Variants in VGLL4 observed in about 807,000 individuals in gnomAD.
The protein encoded by VGLL4 is transcription cofactor vestigial-like protein 4.
In VGLL4, 7 loss-of-function variants were observed where a neutral mutation model predicts 21.0. The observed-to-expected ratio is 0.33, with a 90% CI of 0.19 to 0.63. The LOEUF (loss-of-function observed/expected upper bound fraction) is 0.63. VGLL4 is among the 20% of genes least tolerant of loss of function. VGLL4 has a pLI of 0.78. For missense variants in VGLL4, 394 were observed against 425.7 expected (o/e 0.93, Z 0.66); for synonymous variants, 222 against 173.2 (o/e 1.28, Z -2.21).
chr3:11,595,846 G>C (rs1454292793), intron 2 of VGLL4, among the ~76,000 whole-genome samples: 612 of 3,486 alleles, frequency 0.18, 6 homozygotes, highest in African/African-American at 0.36. Context: ...TGGTGTGGGG[G>C]GGGCGGGGAA....
chr3:11,661,989 G>A (rs931551221), intron 2 of VGLL4, among the ~76,000 whole-genome samples: 1 of 152,178 alleles, frequency 6.6e-6, no homozygotes, highest in African/African-American at 2.4e-5. Flanking sequence ...CAAATATATG[G>A]AGGACACATT....
chr3:11,560,746 C>T (rs535326551), intron 3 of VGLL4, among the ~76,000 whole-genome samples: 1 of 152,168 alleles, frequency 6.6e-6, no homozygotes, highest in Non-Finnish European at 1.5e-5. Context: ...TTCTTAGTGG[C>T]CCGACACTTA....
chr3:11,638,251 C>G (rs1001640410), intron 1 of VGLL4, among the ~76,000 whole-genome samples: 4 of 152,082 alleles, frequency 2.6e-5, no homozygotes, highest in African/African-American at 9.7e-5. Context: ...TACAAGGCCA[C>G]GCAGACAATA....
At position 11,578,791 on chromosome 3, in the gene VGLL4, C is replaced by T. The variant is rs999263064; in HGVS notation, c.273-13772G>A. On this transcript the variant is annotated intron_variant, in intron 2 of 4. Transcript: ENST00000430365. ...TTGAGATGGAGTCTCGCTCTGTCACCCAGGCTGGAGTGCAGTGGCGTGATC... is the reference window on the plus strand; with the variant it reads ...TTGAGATGGAGTCTCGCTCTGTCACTCAGGCTGGAGTGCAGTGGCGTGATC... Among the ~76,000 whole-genome samples the T allele has an allele frequency of 7.1e-5, 9 of 127,474 alleles. No individual in the cohort carries two copies. The Admixed American group carries it at 7.7e-4, about 11-fold the overall frequency. 83.6% of individuals were successfully genotyped at this position (127,474 alleles called of 152,430 possible). A position where few individuals can be genotyped will look rare whatever the true frequency, so the allele number is the denominator to read the frequency against.
chr3:11,635,900 G>A lies in VGLL4; in HGVS notation c.82+7537C>T, dbSNP rs1024670840. Reference sequence around the variant, plus strand: ...TTAAACAGCGAACCAGATCATTCTCGTGGGTGATTTTAAGCATTAGAGAAG... The same window carrying A: ...TTAAACAGCGAACCAGATCATTCTCATGGGTGATTTTAAGCATTAGAGAAG... On this transcript the variant is annotated intron_variant, in intron 1 of 4. Transcript: ENST00000430365. 3.9e-5 allele frequency among the ~76,000 whole-genome samples: 6 copies of A among 152,154 alleles called. 1 individual carries two copies. The highest frequency in any genetic ancestry group is 2.1e-4 in the South Asian group (1 of 4,834).
rs533750264 is a variant in VGLL4 at position 11,688,785 on chromosome 3, G to A, written c.64+14186C>T. On this transcript the variant is annotated intron_variant, in intron 2 of 5. Transcript: ENST00000273038. ...TGTAATCCCAGCACTTTGGGAGGCC[G>A]AGGCGGGTGGATCACCTGAGGTCAG... 7.3e-4 allele frequency among the ~76,000 whole-genome samples: 111 copies of A among 152,244 alleles called. 1 individual carries two copies. The highest frequency in any genetic ancestry group is 1.3e-3 in the Non-Finnish European group (87 of 68,010).
intron 1 of VGLL4, among the ~76,000 whole-genome samples, chr3:11,641,186 TAAGG>T (rs1370379688): frequency 1.3e-5 from 2 of 150,516 alleles, no homozygotes; most frequent in Non-Finnish European, 3.0e-5. Context: ...CTCATACAAC[TAAGG>T]AATATGGTAT....
At chr3:11,671,015 C>G (rs907907734) in intron 2 of VGLL4, among the ~76,000 whole-genome samples, 1 of 152,156 alleles carries the variant, frequency 6.6e-6, no homozygotes, top group East Asian at 1.9e-4. Context: ...CCAGCCTGGA[C>G]GACAGAGATT....
intron 3 of VGLL4, among the ~76,000 whole-genome samples, chr3:11,560,668 G>A (rs2072898847): frequency 6.6e-6 from 1 of 152,206 alleles, no homozygotes; most frequent in Admixed American, 6.5e-5. Context: ...GGTCTAACAA[G>A]AAGCGACACA....
chr3:11,690,020 A>C (rs907771685), intron 2 of VGLL4, among the ~76,000 whole-genome samples: 3 of 152,148 alleles, frequency 2.0e-5, no homozygotes, highest in African/African-American at 7.2e-5. Context: ...CACCCCCTCA[A>C]GGATCCCTCC....
chr3:11,606,220 C>T (rs148722239), intron 1 of VGLL4, among the ~76,000 whole-genome samples: 52 of 152,254 alleles, frequency 3.4e-4, no homozygotes, highest in African/African-American at 8.9e-4. Flanking sequence ...GGGGGGAAAC[C>T]GCCCCCACGA....
chr3:11,557,498 C>A lies in VGLL4; in HGVS notation c.*1058G>T, dbSNP rs904499587. 2 of 152,542 alleles carry A rather than the reference C, an allele frequency of 1.3e-5. No homozygotes were observed. Among genetic ancestry groups the A allele is most frequent in the African/African-American group, 4.8e-5 (2 of 41,444 alleles). The allele number at this position is 152,542 out of a possible 1,614,324, so 9.4% of individuals were successfully genotyped here. A position where few individuals can be genotyped will look rare whatever the true frequency, so the allele number is the denominator to read the frequency against. On this transcript the variant is annotated 3_prime_UTR_variant, in exon 5 of 5. Coordinates refer to ENST00000430365, the MANE Select transcript of VGLL4 (RefSeq NM_001128219.3). ...CAGCCTGCAGCCAAACTCCAGCATC[C>A]CACACCGCAGCTGACCCACTGCTCA...
chr3:11,689,020 C>CA (rs1024366289), intron 2 of VGLL4, among the ~76,000 whole-genome samples: 10 of 142,670 alleles, frequency 7.0e-5, no homozygotes, highest in South Asian at 4.4e-4. Flanking sequence ...GACTCCATCT[C>CA]AAAAAAAAAA....
chr3:11,706,923 C>T (rs917133811), intron 1 of VGLL4, among the ~76,000 whole-genome samples: 1 of 152,176 alleles, frequency 6.6e-6, no homozygotes, highest in Non-Finnish European at 1.5e-5. Context: ...GAGCTGACAG[C>T]TGGCCTTCAG....
chr3:11,595,779 T>G (rs1240093920), intron 2 of VGLL4, among the ~76,000 whole-genome samples: 5 of 150,694 alleles, frequency 3.3e-5, no homozygotes, highest in Non-Finnish European at 7.4e-5. Flanking sequence ...AGGTGGGAAT[T>G]GAACAATGAG....
At position 11,568,719 on chromosome 3, in the gene VGLL4, C is replaced by A; in HGVS notation, c.273-3700G>T. The A allele has an allele frequency of 6.5e-7, 1 of 1,545,358 alleles. No individual in the cohort carries two copies. Among genetic ancestry groups the A allele is most frequent in the East Asian group, 2.4e-5 (1 of 40,872 alleles). On this transcript the variant is annotated intron_variant, in intron 2 of 4. Coordinates refer to ENST00000430365, the MANE Select transcript of VGLL4 (RefSeq NM_001128219.3). The surrounding 1 kb of genome is among the most constrained non-coding windows in gnomAD (Gnocchi z 5.9). ...CTGCTTCCCAGGCGTCATGTGCTCCCGGGGACGGCAGAAAACCGCACGCAT... is the reference window on the plus strand; with the variant it reads ...CTGCTTCCCAGGCGTCATGTGCTCCAGGGGACGGCAGAAAACCGCACGCAT...
chr3:11,695,508 C>G (rs2076594316), intron 2 of VGLL4, among the ~76,000 whole-genome samples: 1 of 152,040 alleles, frequency 6.6e-6, no homozygotes, highest in African/African-American at 2.4e-5. Flanking sequence ...ACAGAGAGAA[C>G]ATGTGCATGA....
intron 2 of VGLL4, among the ~76,000 whole-genome samples, chr3:11,692,140 C>G (rs927048456): frequency 2.8e-4 from 43 of 152,102 alleles, no homozygotes; most frequent in Non-Finnish European, 5.3e-4. Context: ...TTAAAGGAAA[C>G]AGTCACCCTC....
At chr3:11,599,181 C>G (rs1475397946) in intron 2 of VGLL4, among the ~76,000 whole-genome samples, 1 of 152,146 alleles carries the variant, frequency 6.6e-6, no homozygotes, top group Non-Finnish European at 1.5e-5. Flanking sequence ...ACTAAAATAA[C>G]TATCACACAG....
Sources: gnomAD v4.1 joint callset for allele counts (sites outside exome capture counted in the v4.1 genomes callset) on GRCh38, gnomAD v4.1.1 for gene constraint, Gnocchi (gnomAD v3.1) non-coding constraint, MANE v1.5 for transcripts, NCBI Gene and HGNC (gene_info 2026-07-23, HGNC 2026-07-21) for gene names.